The following POFUT3 variants were observed in gnomAD, a reference collection of about 807,000 sequenced individuals.
The protein encoded by POFUT3 is GDP-fucose protein O-fucosyltransferase 3.
At chr8:33,356,285 C>A in the POFUT3 span, among the ~76,000 whole-genome samples, 3 of 152,184 alleles carry the variant, frequency 2.0e-5, no homozygotes, top group Admixed American at 2.0e-4. Context: ...TACAGTCCCA[C>A]CAACAGTGTA....
chr8:33,407,901 C>T, the POFUT3 span, among the ~76,000 whole-genome samples: 3 of 147,234 alleles, frequency 2.0e-5, no homozygotes, highest in African/African-American at 5.0e-5. Context: ...TACTCGGGAT[C>T]GGCCTGAACC....
At chr8:33,416,606 G>A in the POFUT3 span, among the ~76,000 whole-genome samples, 114 of 152,216 alleles carry the variant, frequency 7.5e-4, no homozygotes, top group Admixed American at 1.2e-3. Flanking sequence ...AGCACTTTGA[G>A]AGGCCAAAGC....
the POFUT3 span, among the ~76,000 whole-genome samples, chr8:33,363,563 C>T: frequency 1.4e-4 from 21 of 151,908 alleles, no homozygotes; most frequent in South Asian, 2.5e-3. Flanking sequence ...ATCAAATAGA[C>T]GCAATAAAAA....
the POFUT3 span, among the ~76,000 whole-genome samples, chr8:33,463,171 A>C: frequency 6.6e-6 from 1 of 152,068 alleles, no homozygotes; most frequent in African/African-American, 2.4e-5. Context: ...TTAGTCCTAT[A>C]AAAATAATAT....
the POFUT3 span, among the ~76,000 whole-genome samples, chr8:33,428,559 C>A: frequency 1.3e-5 from 2 of 152,058 alleles, no homozygotes; most frequent in African/African-American, 4.8e-5. Flanking sequence ...AACTTTCCCC[C>A]AAAAAACCAT....
chr8:33,379,944 AC>A, the POFUT3 span, among the ~76,000 whole-genome samples: 39 of 112,226 alleles, frequency 3.5e-4, 1 homozygote, highest in South Asian at 9.7e-3. Context: ...CACTATATAT[AC>A]CCTATATATA....
the POFUT3 span, among the ~76,000 whole-genome samples, chr8:33,366,898 T>C: frequency 1.3e-5 from 2 of 152,092 alleles, no homozygotes. Flanking sequence ...TGTTATACTA[T>C]GATGTGTAGC....
chr8:33,366,371 G>A, the POFUT3 span, among the ~76,000 whole-genome samples: 8 of 151,888 alleles, frequency 5.3e-5, no homozygotes, highest in African/African-American at 7.3e-5. Context: ...AAACCTGCAC[G>A]TTGTGTACAT....
chr8:33,449,033 A>T, the POFUT3 span, among the ~76,000 whole-genome samples: 1 of 152,168 alleles, frequency 6.6e-6, no homozygotes, highest in African/African-American at 2.4e-5. Flanking sequence ...ACAAAGATGA[A>T]TTGATGTTGT....
At chr8:33,383,822 G>A in the POFUT3 span, among the ~76,000 whole-genome samples, 7 of 151,828 alleles carry the variant, frequency 4.6e-5, no homozygotes. Flanking sequence ...CCTCAGACAG[G>A]ATAGTAAGTC....
the POFUT3 span, among the ~76,000 whole-genome samples, chr8:33,456,764 C>G: frequency 7.8e-6 from 1 of 129,014 alleles, no homozygotes; most frequent in Non-Finnish European, 1.6e-5. Context: ...CTTTTATTTT[C>G]TTTTTTCTTT....
chr8:33,363,178 A>G, the POFUT3 span, among the ~76,000 whole-genome samples: 1 of 152,232 alleles, frequency 6.6e-6, no homozygotes, highest in Non-Finnish European at 1.5e-5. Context: ...TACTGGTTAA[A>G]TAACAAAATG....
the POFUT3 span, among the ~76,000 whole-genome samples, chr8:33,308,582 AT>A: frequency 6.6e-6 from 1 of 152,182 alleles, no homozygotes; most frequent in Non-Finnish European, 1.5e-5. Flanking sequence ...TCAATTGAAC[AT>A]GGACACAAAC....
the POFUT3 span, among the ~76,000 whole-genome samples, chr8:33,399,993 A>T: frequency 6.6e-6 from 1 of 152,078 alleles, no homozygotes; most frequent in East Asian, 1.9e-4. Flanking sequence ...TTGCTATTGA[A>T]ATGTGGAGCA....
chr8:33,308,149 T>TGAAG, the POFUT3 span, among the ~76,000 whole-genome samples: 1 of 152,216 alleles, frequency 6.6e-6, no homozygotes, highest in Non-Finnish European at 1.5e-5. Flanking sequence ...CATAATGTTG[T>TGAAG]TATACTATGT....
At chr8:33,461,617 G>C in the POFUT3 span, 2 of 1,531,132 alleles carry the variant, frequency 1.3e-6, no homozygotes, top group Non-Finnish European at 1.7e-6. Flanking sequence ...TGAGATCCGA[G>C]GTTGTGAGAG....
At chr8:33,419,752 G>T in the POFUT3 span, among the ~76,000 whole-genome samples, 4 of 152,202 alleles carry the variant, frequency 2.6e-5, no homozygotes, top group South Asian at 8.3e-4. Context: ...TGTTTTCTGG[G>T]GGAAAAATAA....
the POFUT3 span, among the ~76,000 whole-genome samples, chr8:33,413,682 A>C: frequency 6.6e-6 from 1 of 152,168 alleles, no homozygotes; most frequent in Non-Finnish European, 1.5e-5. Flanking sequence ...TGCACCAACT[A>C]AGTGGGAATT....
chr8:33,460,428 G>A, the POFUT3 span, among the ~76,000 whole-genome samples: 4 of 152,126 alleles, frequency 2.6e-5, no homozygotes, highest in Non-Finnish European at 5.9e-5. Flanking sequence ...TTACAGGTAG[G>A]AGAACTAAGC....
Sources: allele counts gnomAD v4.1 joint callset (sites outside exome capture counted in the v4.1 genomes callset), GRCh38; gene constraint gnomAD v4.1.1; transcripts MANE v1.5; gene names NCBI Gene and HGNC (gene_info 2026-07-23, HGNC 2026-07-21).